Variants in MCTP1 observed in about 807,000 individuals in gnomAD.
The protein encoded by MCTP1 is multiple C2 and transmembrane domain-containing protein 1.
In MCTP1, 69 loss-of-function variants were observed where a neutral mutation model predicts 120.6. The observed-to-expected ratio is 0.57, with a 90% confidence interval of 0.47 to 0.70. The LOEUF is 0.70. MCTP1 is among the 30% of genes least tolerant of loss of function. The pLI is 0.00. For synonymous variants in MCTP1, 529 were observed against 493.1 expected, an observed-to-expected ratio of 1.07 and a Z score of -0.96; for missense variants, 1,203 against 1,248.8, an observed-to-expected ratio of 0.96 and a Z score of 0.55.
chr5:95,184,521 A>G (rs960213910), intron 1 of MCTP1, among the ~76,000 whole-genome samples: 7 of 152,320 alleles, frequency 4.6e-5, no homozygotes, highest in Middle Eastern at 3.4e-3. Flanking sequence ...TCCCGGGTGT[A>G]GGGCAAACTA....
intron 18 of MCTP1, chr5:94,789,361 A>T (rs1214855181): frequency 6.6e-6 from 1 of 152,220 alleles, no homozygotes; most frequent in African/African-American, 2.4e-5. Context: ...TCTTTAGTAA[A>T]TTGACTTTTA....
intron 1 of MCTP1, among the ~76,000 whole-genome samples, chr5:95,223,277 C>T (rs1753888743): frequency 6.6e-6 from 1 of 151,946 alleles, no homozygotes; most frequent in African/African-American, 2.4e-5. Flanking sequence ...CATGGCAAAA[C>T]CCCATCTCTA....
rs549072473 is a variant in MCTP1, at chr5:94,930,798, G to A, written c.1212+1155C>T. 3.9e-5 allele frequency: 6 copies of A among 152,154 alleles called. No homozygotes were observed. The East Asian group carries it at 9.7e-4, about 24-fold the overall frequency. 9.4% of individuals were successfully genotyped at this position (152,154 alleles called of 1,614,324 possible). A position where few individuals can be genotyped will look rare whatever the true frequency, so the allele number is the denominator to read the frequency against. On this transcript the variant is annotated intron_variant, in intron 6 of 22. Coordinates refer to ENST00000515393, the MANE Select transcript of MCTP1 (RefSeq NM_024717.7). ...ATAACAATAACTGTAAAGTATAACT[G>A]TAAAGGAAAAAGTAATACAAATATG...
chr5:94,832,609 AAC>A (rs59233492), intron 17 of MCTP1, among the ~76,000 whole-genome samples: 7,934 of 147,104 alleles, frequency 0.054, 262 homozygotes, highest in East Asian at 0.13. Context: ...GGGCTAGCTG[AAC>A]ACACACACAC....
chr5:95,072,645 G>T (rs1752501635), intron 1 of MCTP1, among the ~76,000 whole-genome samples: 1 of 151,528 alleles, frequency 6.6e-6, no homozygotes, highest in Admixed American at 6.6e-5. Context: ...AAAGCCCATA[G>T]ATGTCAAATA....
At chr5:95,068,757 T>G in intron 1 of MCTP1, 1 of 1,255,882 alleles carries the variant, frequency 8.0e-7, no homozygotes, top group Non-Finnish European at 1.0e-6. Context: ...TAACACACTT[T>G]GTCAGTCATT....
At position 95,201,498 on chromosome 5, in the gene MCTP1, T is replaced by G. The variant is rs1751040884; in HGVS notation, c.720+82358A>C. Among the ~76,000 whole-genome samples the G allele has an allele frequency of 5.5e-5, 3 of 54,476 alleles. 1 individual carries two copies. Among genetic ancestry groups the G allele is most frequent in the Non-Finnish European group, 1.1e-4 (3 of 26,792 alleles). 35.7% of individuals were successfully genotyped at this position (54,476 alleles called of 152,430 possible). On this transcript the variant is annotated intron_variant, in intron 1 of 22. Coordinates refer to ENST00000515393, the MANE Select transcript of MCTP1 (RefSeq NM_024717.7). Reference sequence around the variant, plus strand: ...TTTTTTTTTTTTTTTTTTTTTTTTTTTTTTTTTTTTTTTTTTTTTTTTTTG... The same window carrying G: ...TTTTTTTTTTTTTTTTTTTTTTTTTGTTTTTTTTTTTTTTTTTTTTTTTTG...
intron 19 of MCTP1, among the ~76,000 whole-genome samples, chr5:94,769,954 G>T (rs1773683564): frequency 2.0e-5 from 3 of 152,122 alleles, no homozygotes; most frequent in African/African-American, 7.2e-5. Flanking sequence ...ATAATTTAAT[G>T]AAAGTAGATA....
At chr5:94,905,210 C>T (rs1806509187) in intron 10 of MCTP1, among the ~76,000 whole-genome samples, 1 of 151,930 alleles carries the variant, frequency 6.6e-6, no homozygotes, top group Admixed American at 6.6e-5. Context: ...GCAAAGAGGC[C>T]AGCTGGCTGA....
rs180681170 is a variant in MCTP1, at chr5:95,169,625, G to T, written c.720+114231C>A. ...CAACTTCTTCCTGGTTTAGTCTTGGGAGGGTGTATGTGTCCGGAATTTATC... is the reference window on the plus strand; with the variant it reads ...CAACTTCTTCCTGGTTTAGTCTTGGTAGGGTGTATGTGTCCGGAATTTATC... On this transcript the variant is annotated intron_variant, in intron 1 of 22. Transcript: ENST00000515393. Among the ~76,000 whole-genome samples, 123 of 152,298 alleles carry T rather than the reference G, an allele frequency of 8.1e-4. 1 individual carries two copies. Among genetic ancestry groups the T allele is most frequent in the African/African-American group, 2.9e-3 (120 of 41,560 alleles).
At chr5:95,045,813 T>G (rs1185115008) in intron 1 of MCTP1, among the ~76,000 whole-genome samples, 4 of 152,180 alleles carry the variant, frequency 2.6e-5, no homozygotes, top group African/African-American at 9.6e-5. Context: ...GTGCTCCTTC[T>G]GTATTTCAGA....
chr5:95,110,704 T>C (rs1582271102), intron 1 of MCTP1, among the ~76,000 whole-genome samples: 2 of 152,150 alleles, frequency 1.3e-5, no homozygotes, highest in East Asian at 3.8e-4. Flanking sequence ...AATTTTACTA[T>C]TACATTTTTC....
chr5:94,763,812 GA>G (rs958496307), intron 19 of MCTP1, among the ~76,000 whole-genome samples: 8 of 151,784 alleles, frequency 5.3e-5, no homozygotes, highest in Non-Finnish European at 8.8e-5. Flanking sequence ...AACTTTGAAA[GA>G]AAAAAAATTT....
intron 19 of MCTP1, among the ~76,000 whole-genome samples, chr5:94,763,495 G>A (rs1414458814): frequency 6.6e-6 from 1 of 152,098 alleles, no homozygotes; most frequent in African/African-American, 2.4e-5. Context: ...GTTCCTTTGT[G>A]GAACATTCAC....
chr5:95,259,256 C>T, intron 1 of MCTP1, among the ~76,000 whole-genome samples: 1 of 152,168 alleles, frequency 6.6e-6, no homozygotes, highest in East Asian at 1.9e-4. Flanking sequence ...ACAACAACAA[C>T]ACTTGCAACC....
chr5:95,136,648 C>T (rs753148512), intron 1 of MCTP1, among the ~76,000 whole-genome samples: 6 of 152,192 alleles, frequency 3.9e-5, no homozygotes, highest in Non-Finnish European at 8.8e-5. Flanking sequence ...ACAATGTGTC[C>T]GACTCTATGT....
intron 2 of MCTP1, among the ~76,000 whole-genome samples, chr5:94,977,196 A>T (rs1015966029): frequency 5.3e-5 from 8 of 152,190 alleles, no homozygotes; most frequent in African/African-American, 1.9e-4. Context: ...TGAAAAGGAA[A>T]TGAAGAAAAA....
At chr5:94,856,347 C>T (rs1363843272) in intron 17 of MCTP1, among the ~76,000 whole-genome samples, 1 of 151,692 alleles carries the variant, frequency 6.6e-6, no homozygotes, top group Non-Finnish European at 1.5e-5. Context: ...ATCATATTTC[C>T]ATAATTTCTG....
intron 19 of MCTP1, among the ~76,000 whole-genome samples, chr5:94,735,803 T>TC (rs1278099898): frequency 1.3e-5 from 2 of 149,698 alleles, no homozygotes; most frequent in South Asian, 2.1e-4. Context: ...TTAAAATATA[T>TC]CTGTGCATTA....
Sources: gnomAD v4.1 joint callset for allele counts (sites outside exome capture counted in the v4.1 genomes callset) on GRCh38, gnomAD v4.1.1 for gene constraint, MANE v1.5 for transcripts, NCBI Gene and HGNC (gene_info 2026-07-23, HGNC 2026-07-21) for gene names.